Variants in ITGB4 observed in about 807,000 individuals in gnomAD.
The protein encoded by ITGB4 is integrin beta-4.
A neutral mutation model predicts 207.6 loss-of-function variants in ITGB4; 159 were observed. The observed-to-expected ratio is 0.77, with a 90% CI of 0.67 to 0.87. ITGB4 has a LOEUF of 0.87. ITGB4 is among the 40% of genes least tolerant of loss of function. The probability of loss-of-function intolerance (pLI) is 0.00; values close to 1 mark genes in which losing one functional copy is unlikely to be tolerated. For synonymous variants in ITGB4, 1,020 were observed against 1,062.7 expected (o/e 0.96, Z 0.78); for missense variants, 2,278 against 2,546.8 (o/e 0.89, Z 2.27).
intron 6 of ITGB4, 111 bp downstream of exon 6, chr17:75,728,584 C>T (rs1419225423): frequency 5.4e-5 from 47 of 867,322 alleles, no homozygotes; most frequent in Non-Finnish European, 8.4e-5. Flanking sequence ...CACGGTGGCT[C>T]ATGCCTGTAA....
chr17:75,754,099 C>T, intron 33 of ITGB4, 125 bp downstream of exon 33: 1 of 447,034 alleles, frequency 2.2e-6, no homozygotes. Flanking sequence ...GCCTTGGCGG[C>T]TGGGAGCACA....
Position 75,740,236 on chromosome 17 carries a change from G to GAACCT in ITGB4, c.2447-122_2447-121insAACCT. The GAACCT allele has an allele frequency of 8.2e-7, 1 of 1,218,502 alleles. No homozygotes were observed. Among genetic ancestry groups the GAACCT allele is most frequent in the South Asian group, 1.3e-5 (1 of 77,500 alleles). The allele number at this position is 1,218,502 out of a possible 1,614,324, so 75.5% of individuals were successfully genotyped here. On this transcript the variant is annotated intron_variant, in intron 20 of 39. Coordinates refer to ENST00000200181, the MANE Select transcript of ITGB4 (RefSeq NM_000213.5). The surrounding 1 kb of genome is among the most constrained non-coding windows in gnomAD (Gnocchi z 5.9). The stretch of plus-strand genomic sequence containing the variant: ...TGCTATGAACCTCATGCCTCGGTGT[G>GAACCT]CGTGGCCTGCTGGCCAGGCATCCCC...
In ITGB4 at chr17:75,727,257, T is replaced by C. The variant is rs1487542096; in HGVS notation, c.142T>C (p.Cys48Arg). 2 of 1,614,018 alleles carry C rather than the reference T, an allele frequency of 1.2e-6. No individual in the cohort carries two copies. Among genetic ancestry groups the C allele is most frequent in the Non-Finnish European group, 8.5e-7 (1 of 1,179,988 alleles). ...CTECVRVDKD[C>R]AYCTDEMFRD... Reference sequence around the variant, plus strand: ...GGAGTGTGTCCGTGTGGATAAGGACTGCGCCTACTGCACAGACGAGGTGAG... The same window carrying C: ...GGAGTGTGTCCGTGTGGATAAGGACCGCGCCTACTGCACAGACGAGGTGAG... The change falls in exon 3 of 40, where the codon TGC becomes CGC. Residue 48 changes from cysteine (C) to arginine (R), a missense_variant. Cys to Arg is a radical substitution (Grantham distance 180). Transcript: ENST00000200181. The surrounding 1 kb of genome is among the most constrained non-coding windows in gnomAD (Gnocchi z 6.0).
chr17:75,723,157 G>A (rs2060650119), intron 1 of ITGB4, among the ~76,000 whole-genome samples: 1 of 152,164 alleles, frequency 6.6e-6, no homozygotes, highest in South Asian at 2.1e-4. Context: ...GCCCTGTCCT[G>A]GCCCTCCCAG....
In ITGB4 at chr17:75,728,358, C is replaced by G. The variant is rs774753426; in HGVS notation, c.470-19C>G. ...GCATCAGGGCTCAGCTATCCCCTCT[C>G]TGTCCTTTTGACATCCAGCTCGGGT... On this transcript the variant is annotated intron_variant, in intron 5 of 39. Coordinates refer to ENST00000200181, the MANE Select transcript of ITGB4 (RefSeq NM_000213.5). The G allele has an allele frequency of 1.5e-5, 24 of 1,611,780 alleles. No individual in the cohort carries two copies. Among genetic ancestry groups the G allele is most frequent in the Non-Finnish European group, 2.0e-5 (24 of 1,177,950 alleles).
In ITGB4 at chr17:75,742,513, C is replaced by T. The variant is rs777106265; in HGVS notation, c.2782+24C>T. On this transcript the variant is annotated intron_variant, in intron 24 of 39. Transcript: ENST00000200181. This position sits in a 1 kb window ranked among gnomAD's most constrained non-coding sequence, Gnocchi z 5.9. Reference sequence around the variant, plus strand: ...GGGTAGGAGGGCGGGTCCGCTGTGCCACTGCCTCGCACCTCCCGCCTGTGT... The same window carrying T: ...GGGTAGGAGGGCGGGTCCGCTGTGCTACTGCCTCGCACCTCCCGCCTGTGT... The T allele has an allele frequency of 1.2e-6, 2 of 1,613,094 alleles. No individual in the cohort carries two copies. Among genetic ancestry groups the T allele is most frequent in the African/African-American group, 1.3e-5 (1 of 74,938 alleles).
At position 75,724,719 on chromosome 17, in the gene ITGB4, C is replaced by A. The variant is rs747230853; in HGVS notation, c.16C>A (p.Pro6Thr). The change falls in exon 2 of 40, where the codon CCC becomes ACC. Residue 6 changes from proline (P) to threonine (T), a missense_variant. Coordinates refer to ENST00000200181, the MANE Select transcript of ITGB4 (RefSeq NM_000213.5). MAGPR[P>T]SPWARLLLAA... ...GAGGAAGAGGATGGCAGGGCCACGC[C>A]CCAGCCCATGGGCCAGGCTGCTCCT... is the stretch of plus-strand genomic sequence containing the variant. The A allele has an allele frequency of 2.5e-6, 4 of 1,613,828 alleles. No individual in the cohort carries two copies. The highest frequency in any genetic ancestry group is 3.4e-6 in the Non-Finnish European group (4 of 1,179,996).
Position 75,738,366 on chromosome 17 carries a change from C to T in ITGB4, c.2220+722C>T, listed in dbSNP as rs558831788. On this transcript the variant is annotated intron_variant, in intron 18 of 39. Transcript: ENST00000200181. Reference sequence around the variant, plus strand: ...CTCAGTGTTCCTCTTTGTGCTGTCGCCACAGCATGTCCACGTGACTCCATT... The same window carrying T: ...CTCAGTGTTCCTCTTTGTGCTGTCGTCACAGCATGTCCACGTGACTCCATT... 4.3e-4 allele frequency among the ~76,000 whole-genome samples: 65 copies of T among 152,318 alleles called. 1 individual carries two copies. Among genetic ancestry groups the T allele is most frequent in the African/African-American group, 1.5e-3 (64 of 41,572 alleles).
chr17:75,754,865 C>A, intron 34 of ITGB4, 50 bp downstream of exon 34: 1 of 1,612,756 alleles, frequency 6.2e-7, no homozygotes, highest in Admixed American at 1.7e-5. Context: ...TTCCTCTCTT[C>A]CAGCTCCTGG....
intron 1 of ITGB4, among the ~76,000 whole-genome samples, chr17:75,723,199 C>G (rs924315921): frequency 1.3e-5 from 2 of 152,190 alleles, no homozygotes; most frequent in Admixed American, 6.5e-5. Context: ...GTTCCACAGC[C>G]TTCTGTGCCT....
In ITGB4 at chr17:75,729,194, C is replaced by A; in HGVS notation, c.567-71C>A. ...AAAAAAATTCTCCTTCTAGTTGAAA[C>A]GAGCCAGGGGCACTGGGGTCTGCGG... On this transcript the variant is annotated intron_variant, in intron 6 of 39. Coordinates refer to ENST00000200181, the MANE Select transcript of ITGB4 (RefSeq NM_000213.5). This position sits in a 1 kb window ranked among gnomAD's most constrained non-coding sequence, Gnocchi z 4.4. 3 of 1,395,122 alleles carry A rather than the reference C, an allele frequency of 2.2e-6. No homozygotes were observed. Among genetic ancestry groups the A allele is most frequent in the Non-Finnish European group, 3.0e-6 (3 of 1,010,178 alleles). The allele number at this position is 1,395,122 out of a possible 1,614,324, so 86.4% of individuals were successfully genotyped here. A position where few individuals can be genotyped will look rare whatever the true frequency, so the allele number is the denominator to read the frequency against.
intron 13 of ITGB4, 32 bp from the exon 14 acceptor site, chr17:75,736,019 C>G: frequency 1.3e-6 from 2 of 1,595,458 alleles, no homozygotes; most frequent in Non-Finnish European, 1.7e-6. Context: ...ACAGATGTAG[C>G]TCTCATCTCC....
chr17:75,732,242 G>T lies in ITGB4; in HGVS notation c.1454+3G>T, dbSNP rs1275126317. 6.2e-7 allele frequency: 1 copy of T among 1,613,896 alleles called. No homozygotes were observed. Among genetic ancestry groups the T allele is most frequent in the Non-Finnish European group, 8.5e-7 (1 of 1,179,964 alleles). ...CAGTGTGTGTGCAGCGAGGGCTGGTGAGTGGGGAAGGGAGTTGGGCACCCA... is the reference window on the plus strand; with the variant it reads ...CAGTGTGTGTGCAGCGAGGGCTGGTTAGTGGGGAAGGGAGTTGGGCACCCA... On this transcript the variant is annotated splice_donor_region_variant and intron_variant, in intron 12 of 39. Coordinates refer to ENST00000200181, the MANE Select transcript of ITGB4 (RefSeq NM_000213.5). This position sits in a 1 kb window ranked among gnomAD's most constrained non-coding sequence, Gnocchi z 5.3.
intron 26 of ITGB4, among the ~76,000 whole-genome samples, chr17:75,748,473 C>T (rs1482429509): frequency 6.6e-6 from 1 of 151,988 alleles, no homozygotes; most frequent in Admixed American, 6.6e-5. Flanking sequence ...AGTTCGAGAC[C>T]AGCCTGGCCA....
At chr17:75,737,096 G>T (rs960320501) in intron 16 of ITGB4, among the ~76,000 whole-genome samples, 1 of 152,152 alleles carries the variant, frequency 6.6e-6, no homozygotes, top group Non-Finnish European at 1.5e-5. Context: ...TCAGGGAAGT[G>T]GGGGAGGTAG....
At chr17:75,741,996 G>T (rs1486105558) in intron 23 of ITGB4, among the ~76,000 whole-genome samples, 2 of 152,196 alleles carry the variant, frequency 1.3e-5, no homozygotes, top group African/African-American at 4.8e-5. Context: ...CTTGCCCAAG[G>T]TTACCCAGCT....
At position 75,756,968 on chromosome 17, in the gene ITGB4, T is replaced by C. The variant is rs746315107; in HGVS notation, c.5079T>C (p.Asp1693=). The C allele has an allele frequency of 1.2e-6, 2 of 1,612,682 alleles. No homozygotes were observed. The highest frequency in any genetic ancestry group is 1.7e-6 in the Non-Finnish European group (2 of 1,179,908). The stretch of plus-strand genomic sequence containing the variant: ...GGCCAGCCACCGCATTCCGGGTGGA[T>C]GGAGACAGCCCCGAGAGCCGGCTGA... The part of the protein sequence containing the change: ...GGGPATAFRV[D]GDSPESRLTV... The change falls in exon 38 of 40, where the codon GAT becomes GAC. Residue 1693 remains aspartate (D), a synonymous_variant. Coordinates refer to ENST00000200181, the MANE Select transcript of ITGB4 (RefSeq NM_000213.5).
rs1168672671 is a variant in ITGB4, at chr17:75,731,931, G to A, written c.1335G>A (p.Lys445=). 1.2e-6 allele frequency: 2 copies of A among 1,614,100 alleles called. No individual in the cohort carries two copies. The highest frequency in any genetic ancestry group is 2.7e-5 in the African/African-American group (2 of 75,076). The stretch of plus-strand genomic sequence containing the variant: ...AACCTTCCTTCTCCGACGGCCTCAA[G>A]ATGGACGCGGGCATCATCTGTGATG... ...HLKPSFSDGL[K]MDAGIICDVC... Residue 445 remains lysine (K), a synonymous_variant, in exon 11 of 40, where the codon AAG becomes AAA. Coordinates refer to ENST00000200181, the MANE Select transcript of ITGB4 (RefSeq NM_000213.5). The surrounding 1 kb of genome is among the most constrained non-coding windows in gnomAD (Gnocchi z 6.8).
rs779950457 is a variant in ITGB4 at position 75,756,412 on chromosome 17, C to T, written c.4709-17C>T. 6 of 1,612,720 alleles carry T rather than the reference C, an allele frequency of 3.7e-6. No individual in the cohort carries two copies. Among genetic ancestry groups the T allele is most frequent in the Non-Finnish European group, 5.1e-6 (6 of 1,179,622 alleles). ...AGTAACACTGCACTACTGTGTGCCC[C>T]CACCTGATCCCCCCAGGTGAGCTGC... On this transcript the variant is annotated splice_polypyrimidine_tract_variant and intron_variant, in intron 35 of 39. Transcript: ENST00000200181.
Sources: gnomAD v4.1 joint callset for allele counts (sites outside exome capture counted in the v4.1 genomes callset) on GRCh38, gnomAD v4.1.1 for gene constraint, Gnocchi (gnomAD v3.1) non-coding constraint, MANE v1.5 for transcripts, NCBI Gene and HGNC (gene_info 2026-07-23, HGNC 2026-07-21) for gene names.